Variants in NREP observed in about 807,000 individuals in gnomAD.
The protein encoded by NREP is neuronal regeneration related protein, also known as neuronal regeneration-related protein.
A neutral mutation model predicts 8.6 loss-of-function variants in NREP; 5 were observed. That is an observed-to-expected ratio of 0.58 (90% confidence interval 0.30 to 1.22). The LOEUF (loss-of-function observed/expected upper bound fraction) is 1.22. Among genes scored for constraint, NREP ranks in the 50% most tolerant of loss-of-function variants. The pLI is 0.07. For synonymous variants in NREP, 27 were observed against 28.0 expected, an observed-to-expected ratio of 0.96 and a Z score of 0.11; for missense variants, 86 against 82.5, an observed-to-expected ratio of 1.04 and a Z score of -0.17.
chr5:111,798,307 C>T (rs2454576), intron 2 of NREP, among the ~76,000 whole-genome samples: 76,722 of 151,936 alleles, frequency 0.5, 19,883 homozygotes, highest in African/African-American at 0.63. Context: ...TGGAAATTGA[C>T]TTTTTCTAAT....
At chr5:111,870,341 A>C (rs1040173921) in intron 2 of NREP, among the ~76,000 whole-genome samples, 11 of 152,188 alleles carry the variant, frequency 7.2e-5, no homozygotes, top group African/African-American at 2.7e-4. Context: ...AGGAAGGAGA[A>C]TCACTTGAGC....
At chr5:111,925,523 A>C (rs1181795408) in intron 2 of NREP, among the ~76,000 whole-genome samples, 3 of 152,116 alleles carry the variant, frequency 2.0e-5, no homozygotes, top group Non-Finnish European at 4.4e-5. Flanking sequence ...GGCTACCCTG[A>C]GGAGGTTCTC....
At chr5:111,897,388 G>A (rs899779011) in intron 2 of NREP, among the ~76,000 whole-genome samples, 2 of 152,162 alleles carry the variant, frequency 1.3e-5, no homozygotes, top group Non-Finnish European at 2.9e-5. Flanking sequence ...TATATGTGAT[G>A]CCAAATGTTA....
At position 111,744,030 on chromosome 5, in the gene NREP, C is replaced by T. The variant is rs951922001; in HGVS notation, c.4-8523G>A. Among the ~76,000 whole-genome samples, 8 of 152,168 alleles carry T rather than the reference C, an allele frequency of 5.3e-5. No individual in the cohort carries two copies. In the East Asian group the frequency reaches 9.7e-4, roughly 18 times the overall value. On this transcript the variant is annotated intron_variant, in intron 2 of 3. Coordinates refer to ENST00000257435, the MANE Select transcript of NREP (RefSeq NM_004772.4). ...TTTAGACATAGGATTTTGGATTTTTCTTGGTCTGGGTGGATGAGATAGTTA... is the reference window on the plus strand; with the variant it reads ...TTTAGACATAGGATTTTGGATTTTTTTTGGTCTGGGTGGATGAGATAGTTA...
intron 2 of NREP, among the ~76,000 whole-genome samples, chr5:111,866,559 A>T (rs2112489299): frequency 6.6e-6 from 1 of 152,342 alleles, no homozygotes; most frequent in South Asian, 2.1e-4. Context: ...ACTGTAAACT[A>T]GTTCAACCAT....
chr5:111,829,809 A>G (rs1359180144), intron 2 of NREP, among the ~76,000 whole-genome samples: 1 of 152,142 alleles, frequency 6.6e-6, no homozygotes, highest in Non-Finnish European at 1.5e-5. Flanking sequence ...TATCCAACCC[A>G]TTCCTAGCTT....
At chr5:111,878,711 A>C (rs1396042132) in intron 2 of NREP, among the ~76,000 whole-genome samples, 1 of 152,188 alleles carries the variant, frequency 6.6e-6, no homozygotes, top group African/African-American at 2.4e-5. Flanking sequence ...GAAAATGGTA[A>C]GAGGTCGACA....
chr5:111,897,122 T>C (rs1754530145), intron 2 of NREP, among the ~76,000 whole-genome samples: 1 of 152,126 alleles, frequency 6.6e-6, no homozygotes, highest in South Asian at 2.1e-4. Flanking sequence ...AAATAACACA[T>C]TGTGATTTTC....
chr5:111,831,521 G>C (rs573366556), intron 2 of NREP, among the ~76,000 whole-genome samples: 1 of 152,134 alleles, frequency 6.6e-6, no homozygotes, highest in African/African-American at 2.4e-5. Flanking sequence ...CAGGCATCCT[G>C]TATCAGGGCA....
chr5:111,943,024 T>G (rs183361477), intron 2 of NREP, among the ~76,000 whole-genome samples: 4 of 151,998 alleles, frequency 2.6e-5, no homozygotes, highest in Admixed American at 6.6e-5. Flanking sequence ...TTCTCCCCTT[T>G]GATCTCCTAT....
intron 2 of NREP, among the ~76,000 whole-genome samples, chr5:111,888,590 G>A (rs1194698197): frequency 6.6e-6 from 1 of 152,208 alleles, no homozygotes; most frequent in East Asian, 1.9e-4. Flanking sequence ...AATTAAAGGT[G>A]AGATTTGGGT....
chr5:111,910,489 G>C (rs999212024), intron 2 of NREP, among the ~76,000 whole-genome samples: 1 of 152,020 alleles, frequency 6.6e-6, no homozygotes, highest in African/African-American at 2.4e-5. Flanking sequence ...GAATAACTTA[G>C]AAAGACCCAC....
intron 2 of NREP, among the ~76,000 whole-genome samples, chr5:111,793,988 A>C (rs976063717): frequency 6.6e-6 from 1 of 152,204 alleles, no homozygotes; most frequent in African/African-American, 2.4e-5. Flanking sequence ...AGCCAAGAGG[A>C]GAAGGCTGCA....
At chr5:111,739,889 T>G (rs549907309) in intron 2 of NREP, among the ~76,000 whole-genome samples, 1 of 152,132 alleles carries the variant, frequency 6.6e-6, no homozygotes, top group South Asian at 2.1e-4. Context: ...ATGTATACAA[T>G]AAACAATTGT....
At chr5:111,939,336 T>C (rs1755766777) in intron 2 of NREP, among the ~76,000 whole-genome samples, 1 of 152,060 alleles carries the variant, frequency 6.6e-6, no homozygotes, top group Non-Finnish European at 1.5e-5. Flanking sequence ...TACAAGGAGC[T>C]ATCATTTCTG....
At chr5:111,779,736 C>T (rs533630551) in intron 2 of NREP, among the ~76,000 whole-genome samples, 43 of 152,240 alleles carry the variant, frequency 2.8e-4, no homozygotes, top group Non-Finnish European at 5.7e-4. Flanking sequence ...AAAGGCTTCT[C>T]CTGGGTCAAT....
chr5:111,792,094 G>A (rs764480933), intron 2 of NREP, among the ~76,000 whole-genome samples: 6 of 152,126 alleles, frequency 3.9e-5, no homozygotes, highest in African/African-American at 7.2e-5. Context: ...GAAACTATCT[G>A]TTTCTCTGGA....
At chr5:111,843,170 A>G (rs1753074240) in intron 2 of NREP, among the ~76,000 whole-genome samples, 1 of 152,030 alleles carries the variant, frequency 6.6e-6, no homozygotes, top group South Asian at 2.1e-4. Flanking sequence ...TAGGACTTTC[A>G]TAACACATAT....
At chr5:111,891,404 C>G (rs969074283) in intron 2 of NREP, among the ~76,000 whole-genome samples, 1 of 152,190 alleles carries the variant, frequency 6.6e-6, no homozygotes, top group African/African-American at 2.4e-5. Context: ...TTCAAATGTT[C>G]CCTCATCTGC....
Sources: allele counts gnomAD v4.1 joint callset (sites outside exome capture counted in the v4.1 genomes callset), GRCh38; gene constraint gnomAD v4.1.1; transcripts MANE v1.5; gene names NCBI Gene and HGNC (gene_info 2026-07-23, HGNC 2026-07-21).